The following KIAA0232 variants were observed in gnomAD, a reference collection of about 807,000 sequenced individuals.
The protein encoded by KIAA0232 is uncharacterized protein KIAA0232.
A neutral mutation model predicts 122.0 loss-of-function variants in KIAA0232; 27 were observed. The ratio of observed to expected loss-of-function variants is 0.22; its 90% CI spans 0.16 to 0.31. KIAA0232 has a LOEUF of 0.31. Among genes scored for constraint, KIAA0232 ranks in the 10% least tolerant of loss-of-function variants. The pLI is 1.00. For missense variants in KIAA0232, 1,551 were observed against 1,634.2 expected (o/e 0.95, Z 0.88); for synonymous variants, 613 against 587.6 (o/e 1.04, Z -0.63).
intron 3 of KIAA0232, among the ~76,000 whole-genome samples, chr4:6,833,736 C>T (rs1238745769): frequency 6.6e-6 from 1 of 152,110 alleles, no homozygotes; most frequent in Non-Finnish European, 1.5e-5. Context: ...GTGACAAAAA[C>T]CTTTCTGGGT....
At chr4:6,796,273 G>A (rs1387842748) in intron 1 of KIAA0232, among the ~76,000 whole-genome samples, 1 of 151,584 alleles carries the variant, frequency 6.6e-6, no homozygotes, top group African/African-American at 2.4e-5. Flanking sequence ...ACAGAGTCTT[G>A]TTCTGTCACC....
intron 2 of KIAA0232, among the ~76,000 whole-genome samples, chr4:6,810,588 C>T (rs79805194): frequency 0.26 from 39,552 of 151,974 alleles, 6,453 homozygotes; most frequent in Non-Finnish European, 0.36. Context: ...TGGGCCTTAT[C>T]GAAACCAAAA....
intron 3 of KIAA0232, among the ~76,000 whole-genome samples, chr4:6,836,392 G>A (rs1424710111): frequency 6.6e-6 from 1 of 150,466 alleles, no homozygotes; most frequent in Non-Finnish European, 1.5e-5. Flanking sequence ...AGAATACACA[G>A]TTTGGTGGCT....
rs950597866 is a variant in KIAA0232, at chr4:6,797,800, G to A, written c.-353-6723G>A. ...AAAAAAAAAAAAAAAGGCCGGGCGCGGTGGCTCACGCCTGTAATCCCAGCA... is the reference window on the plus strand; with the variant it reads ...AAAAAAAAAAAAAAAGGCCGGGCGCAGTGGCTCACGCCTGTAATCCCAGCA... On this transcript the variant is annotated intron_variant, in intron 1 of 9. Transcript: ENST00000307659. Among the ~76,000 whole-genome samples the A allele has an allele frequency of 1.1e-3, 164 of 150,406 alleles. 1 individual carries two copies. The highest frequency in any genetic ancestry group is 1.3e-3 in the Non-Finnish European group (87 of 67,738).
rs1722192916 is a variant in KIAA0232 at position 6,884,019 on chromosome 4, T to G, written c.*3053T>G. On this transcript the variant is annotated 3_prime_UTR_variant, in exon 10 of 10. Transcript: ENST00000307659. ...AGCTGTATTATGTAGATTTAACAGG[T>G]TCCTCATTGATAAAACAATGTTTTT... is the stretch of plus-strand genomic sequence containing the variant. 6.6e-6 allele frequency: 1 copy of G among 152,226 alleles called. No homozygotes were observed. The highest frequency in any genetic ancestry group is 2.4e-5 in the African/African-American group (1 of 41,466). 9.4% of individuals were successfully genotyped at this position (152,226 alleles called of 1,614,324 possible).
At chr4:6,835,736 G>A (rs544933333) in intron 3 of KIAA0232, among the ~76,000 whole-genome samples, 1 of 152,254 alleles carries the variant, frequency 6.6e-6, no homozygotes, top group Admixed American at 6.5e-5. Flanking sequence ...TTCTGTCCTT[G>A]TGATATTTTG....
At chr4:6,826,731 G>C (rs968378025) in intron 3 of KIAA0232, among the ~76,000 whole-genome samples, 1 of 152,046 alleles carries the variant, frequency 6.6e-6, no homozygotes, top group Non-Finnish European at 1.5e-5. Context: ...TTTTTAGTAG[G>C]ACTTGAACTT....
intron 1 of KIAA0232, among the ~76,000 whole-genome samples, chr4:6,789,400 A>G (rs1374319849): frequency 6.6e-6 from 1 of 151,216 alleles, no homozygotes; most frequent in Non-Finnish European, 1.5e-5. Flanking sequence ...CAGACTCCCC[A>G]GTAGCTGGGA....
At chr4:6,843,967 T>G (rs1719810866) in intron 4 of KIAA0232, among the ~76,000 whole-genome samples, 1 of 121,436 alleles carries the variant, frequency 8.2e-6, no homozygotes, top group African/African-American at 3.1e-5. Context: ...TTTGGCGGAG[T>G]CTTGCTCTGT....
At chr4:6,869,990 G>C (rs1721385753) in intron 7 of KIAA0232, among the ~76,000 whole-genome samples, 1 of 152,242 alleles carries the variant, frequency 6.6e-6, no homozygotes, top group Non-Finnish European at 1.5e-5. Flanking sequence ...GTGGTAGAAA[G>C]ATGCAGTGGC....
At chr4:6,824,055 A>T (rs1718551271) in intron 2 of KIAA0232, 130 bp from the exon 3 acceptor site, 2 of 379,440 alleles carry the variant, frequency 5.3e-6, no homozygotes, top group South Asian at 1.0e-4. Flanking sequence ...TGGGGGGAAA[A>T]ATCAGTGTTC....
At chr4:6,809,791 A>G (rs959108707) in intron 2 of KIAA0232, among the ~76,000 whole-genome samples, 1 of 152,108 alleles carries the variant, frequency 6.6e-6, no homozygotes, top group Non-Finnish European at 1.5e-5. Flanking sequence ...ACCAATAACG[A>G]TCTAGCTGAG....
chr4:6,793,573 TAA>T (rs1340431611), intron 1 of KIAA0232, among the ~76,000 whole-genome samples: 6 of 152,224 alleles, frequency 3.9e-5, no homozygotes, highest in Non-Finnish European at 7.4e-5. Flanking sequence ...GAAATGAAAA[TAA>T]AGTTTATTCA....
chr4:6,862,152 T>G lies in KIAA0232; in HGVS notation c.1770T>G (p.Phe590Leu). Residue 590 changes from phenylalanine (F) to leucine (L), a missense_variant, in exon 7 of 10, where the codon TTT (phenylalanine) becomes TTG (leucine). By Grantham distance (22) the Phe-to-Leu change is conservative (BLOSUM62 0). Coordinates refer to ENST00000307659, the MANE Select transcript of KIAA0232 (RefSeq NM_014743.3). ...AGGACCTTGGCAATCTGGCTCAGTTTTGGGAGTGCTGTTCATCCAGCTCCG... is the reference window on the plus strand; with the variant it reads ...AGGACCTTGGCAATCTGGCTCAGTTGTGGGAGTGCTGTTCATCCAGCTCCG... ...FLQDLGNLAQ[F>L]WECCSSSSGD... 6.2e-7 allele frequency: 1 copy of G among 1,614,142 alleles called. No homozygotes were observed. The highest frequency in any genetic ancestry group is 8.5e-7 in the Non-Finnish European group (1 of 1,180,020).
intron 8 of KIAA0232, among the ~76,000 whole-genome samples, chr4:6,874,243 G>T (rs1171537094): frequency 3.9e-5 from 6 of 152,240 alleles, no homozygotes; most frequent in Non-Finnish European, 7.3e-5. Flanking sequence ...TCGTGTCCCT[G>T]TCCTCCCCCT....
intron 1 of KIAA0232, among the ~76,000 whole-genome samples, chr4:6,803,252 C>G (rs1717471368): frequency 6.6e-6 from 1 of 150,626 alleles, no homozygotes; most frequent in South Asian, 2.1e-4. Flanking sequence ...TAAATTGAAG[C>G]CCAGCTCCCT....
At chr4:6,795,822 C>G (rs1490874731) in intron 1 of KIAA0232, among the ~76,000 whole-genome samples, 1 of 152,216 alleles carries the variant, frequency 6.6e-6, no homozygotes, top group Non-Finnish European at 1.5e-5. Context: ...AACTCCTGCT[C>G]TCATGCAGTC....
In KIAA0232 at chr4:6,879,893, T is replaced by C. The variant is rs1414022761; in HGVS notation, c.4009-894T>C. On this transcript the variant is annotated intron_variant, in intron 9 of 9. Transcript: ENST00000307659. ...CAACACACAGGTCTGCAGTGTCCCCTCACCATCTGTACTGTGTCACTGCAA... is the reference window on the plus strand; with the variant it reads ...CAACACACAGGTCTGCAGTGTCCCCCCACCATCTGTACTGTGTCACTGCAA... Among the ~76,000 whole-genome samples the C allele has an allele frequency of 9.2e-4, 102 of 111,190 alleles. 1 individual carries two copies. Among genetic ancestry groups the C allele is most frequent in the Non-Finnish European group, 1.3e-3 (66 of 50,426 alleles). 72.9% of individuals were successfully genotyped at this position (111,190 alleles called of 152,430 possible).
intron 1 of KIAA0232, among the ~76,000 whole-genome samples, chr4:6,789,917 T>C (rs1175949818): frequency 1.3e-5 from 2 of 151,862 alleles, no homozygotes; most frequent in South Asian, 2.1e-4. Flanking sequence ...TAGTCCCAGC[T>C]ACTTAGGAGG....
Sources: gnomAD v4.1 joint callset for allele counts (sites outside exome capture counted in the v4.1 genomes callset) on GRCh38, gnomAD v4.1.1 for gene constraint, MANE v1.5 for transcripts, NCBI Gene and HGNC (gene_info 2026-07-23, HGNC 2026-07-21) for gene names.